VPS13B: variants seen among roughly 807,000 people sequenced by gnomAD.
The protein encoded by VPS13B is intermembrane lipid transfer protein VPS13B.
Under a neutral mutation model 426.4 loss-of-function variants are expected in VPS13B, and 285 were observed. That is an observed-to-expected ratio of 0.67 (90% CI 0.61 to 0.74). The LOEUF is 0.74. Among genes scored for constraint, VPS13B ranks in the 30% least tolerant of loss-of-function variants. The pLI is 0.00. For synonymous variants in VPS13B, 1,676 were observed against 1,676.4 expected (o/e 1.00, Z 0.01); for missense variants, 4,537 against 4,782.6 (o/e 0.95, Z 1.51).
In VPS13B at chr8:99,430,811, C is replaced by T. The variant is rs552526006; in HGVS notation, c.3083-726C>T. Among the ~76,000 whole-genome samples the T allele has an allele frequency of 1.2e-4, 19 of 152,044 alleles. No homozygotes were observed. In the East Asian group the frequency reaches 3.1e-3, roughly 25 times the overall value. On this transcript the variant is annotated intron_variant, in intron 21 of 61. Coordinates refer to ENST00000357162, the MANE Select transcript of VPS13B (RefSeq NM_152564.5). ...GCTCATTGCAGCAACCTCTGCCTCC[C>T]GGGTTCAAGTGATTCCCCTGCCTCA...
chr8:99,802,308 A>C (rs775717319), intron 43 of VPS13B, among the ~76,000 whole-genome samples: 1 of 152,138 alleles, frequency 6.6e-6, no homozygotes, highest in Non-Finnish European at 1.5e-5. Flanking sequence ...ACTGAAGATC[A>C]TGTCACCCTC....
chr8:99,696,121 A>T (rs540150984), intron 35 of VPS13B: 1 of 161,772 alleles, frequency 6.2e-6, no homozygotes, highest in African/African-American at 2.4e-5. Flanking sequence ...CGAGAGTGCC[A>T]TGGACCTCTG....
intron 43 of VPS13B, among the ~76,000 whole-genome samples, chr8:99,790,027 T>A (rs1463944221): frequency 6.6e-6 from 1 of 152,088 alleles, no homozygotes; most frequent in Non-Finnish European, 1.5e-5. Context: ...AAAACTCACA[T>A]ACAGACTAAA....
rs566520654 is a variant in VPS13B at position 99,269,257 on chromosome 8, T to C, written c.2516-4941T>C. ...TAAAAATTGGTAATTATTTTTAGAT[T>C]ATTGTATTGACTGTGCAGTATAACT... On this transcript the variant is annotated intron_variant, in intron 17 of 61. Transcript: ENST00000357162. 3.3e-5 allele frequency among the ~76,000 whole-genome samples: 5 copies of C among 152,360 alleles called. No individual in the cohort carries two copies. The East Asian group carries it at 9.6e-4, about 29-fold the overall frequency.
chr8:99,793,672 A>G (rs1339608065), intron 43 of VPS13B, among the ~76,000 whole-genome samples: 2 of 152,182 alleles, frequency 1.3e-5, no homozygotes, highest in Non-Finnish European at 2.9e-5. Flanking sequence ...GCTGAGTAGG[A>G]CAATGTTTGA....
intron 19 of VPS13B, chr8:99,340,465 A>G (rs989522774): frequency 8.1e-6 from 4 of 491,328 alleles, no homozygotes; most frequent in African/African-American, 8.0e-5. Context: ...AGACTAGGAC[A>G]TGTTTCCAAG....
intron 29 of VPS13B, among the ~76,000 whole-genome samples, chr8:99,520,387 C>CTT (rs1435205070): frequency 6.2e-5 from 7 of 113,262 alleles, no homozygotes; most frequent in Non-Finnish European, 1.2e-4. Context: ...AAGTGATATA[C>CTT]TTTGTGTGTG....
At chr8:99,516,859 A>G (rs1822109634) in intron 29 of VPS13B, among the ~76,000 whole-genome samples, 1 of 151,834 alleles carries the variant, frequency 6.6e-6, no homozygotes, top group African/African-American at 2.4e-5. Flanking sequence ...AGAATAACTA[A>G]ATCTTGCTAC....
intron 16 of VPS13B, among the ~76,000 whole-genome samples, chr8:99,174,335 T>C (rs564293671): frequency 2.0e-5 from 3 of 152,316 alleles, no homozygotes; most frequent in Admixed American, 1.3e-4. Flanking sequence ...TTTGAGTATA[T>C]ACCTAGAAGT....
chr8:99,054,401 A>C (rs1843725034), intron 3 of VPS13B, among the ~76,000 whole-genome samples: 1 of 152,162 alleles, frequency 6.6e-6, no homozygotes, highest in Non-Finnish European at 1.5e-5. Flanking sequence ...TTAAAATTCA[A>C]TTGTTTGTCT....
At chr8:99,197,413 A>C (rs1355108201) in intron 17 of VPS13B, among the ~76,000 whole-genome samples, 2 of 152,178 alleles carry the variant, frequency 1.3e-5, no homozygotes. Context: ...TTCTGGTAGA[A>C]TTCATCCAGT....
At chr8:99,191,577 T>G (rs2132724443) in intron 16 of VPS13B, among the ~76,000 whole-genome samples, 1 of 151,788 alleles carries the variant, frequency 6.6e-6, no homozygotes, top group South Asian at 2.1e-4. Flanking sequence ...AGAGACGGGG[T>G]TTCACCATGT....
chr8:99,193,919 A>C (rs1813746391), intron 17 of VPS13B, among the ~76,000 whole-genome samples: 2 of 152,212 alleles, frequency 1.3e-5, no homozygotes, highest in South Asian at 4.1e-4. Flanking sequence ...TTGCACATAC[A>C]TAATGAGATA....
intron 17 of VPS13B, among the ~76,000 whole-genome samples, chr8:99,249,629 TAGCC>T (rs756028243): frequency 5.2e-4 from 79 of 151,962 alleles, no homozygotes; most frequent in Non-Finnish European, 8.1e-4. Context: ...TTCACTGTGT[TAGCC>T]AGGATGGTCT....
chr8:99,746,952 A>T (rs1788149), intron 39 of VPS13B, among the ~76,000 whole-genome samples: 152,258 of 152,260 alleles, frequency 1, 76,128 homozygotes, highest in Middle Eastern at 1. Flanking sequence ...ATGTATTTTA[A>T]GGAACACCAT....
At chr8:99,270,798 G>A (rs927329921) in intron 17 of VPS13B, among the ~76,000 whole-genome samples, 4 of 151,962 alleles carry the variant, frequency 2.6e-5, no homozygotes, top group African/African-American at 9.7e-5. Flanking sequence ...AGAGCCAGGG[G>A]AGGGAAGGCT....
chr8:99,161,437 C>T (rs148218695), intron 15 of VPS13B, among the ~76,000 whole-genome samples: 56 of 152,242 alleles, frequency 3.7e-4, no homozygotes, highest in South Asian at 6.2e-4. Context: ...AGTCACCATC[C>T]ATACTGACAT....
intron 3 of VPS13B, among the ~76,000 whole-genome samples, chr8:99,049,346 G>T (rs1712897541): frequency 2.6e-5 from 4 of 151,812 alleles, no homozygotes; most frequent in Non-Finnish European, 4.4e-5. Context: ...TTCTTGTAGT[G>T]CTGGCTTGGT....
chr8:99,164,413 G>A (rs1457780055), intron 15 of VPS13B, among the ~76,000 whole-genome samples: 1 of 152,124 alleles, frequency 6.6e-6, no homozygotes, highest in Non-Finnish European at 1.5e-5. Flanking sequence ...ACTGGTTAGT[G>A]TAAAAACAAC....
Sources: allele counts gnomAD v4.1 joint callset (sites outside exome capture counted in the v4.1 genomes callset), GRCh38; gene constraint gnomAD v4.1.1; transcripts MANE v1.5; gene names NCBI Gene and HGNC (gene_info 2026-07-23, HGNC 2026-07-21).